Variants in IRF8 observed in about 807,000 individuals in gnomAD.
IRF8 encodes interferon consensus sequence binding protein 1.
Under a neutral mutation model 48.7 loss-of-function variants are expected in IRF8, and 14 were observed. That is an observed-to-expected ratio of 0.29 (90% CI 0.19 to 0.45). The LOEUF (loss-of-function observed/expected upper bound fraction) is 0.45, where lower values mean the gene tolerates loss of function less well. IRF8 is among the 20% of genes least tolerant of loss of function. The pLI is 1.00. For missense variants in IRF8, 493 were observed against 580.7 expected (o/e 0.85, Z 1.55); for synonymous variants, 278 against 227.3 (o/e 1.22, Z -2.01).
rs753224817 is a variant in IRF8 at position 85,922,343 on chromosome 16, G to T, written c.*1061G>T. The T allele has an allele frequency of 6.6e-6, 1 of 152,294 alleles. No individual in the cohort carries two copies. Among genetic ancestry groups the T allele is most frequent in the Non-Finnish European group, 1.5e-5 (1 of 68,044 alleles). The allele number at this position is 152,294 out of a possible 1,614,324, so 9.4% of individuals were successfully genotyped here. ...ACAGTCAGACCCAGAGGTCCTTTAC[G>T]TGTGGATGGAGTTCACAGGCGAATA... On this transcript the variant is annotated 3_prime_UTR_variant, in exon 9 of 9. Transcript: ENST00000268638.
intron 2 of IRF8, among the ~76,000 whole-genome samples, chr16:85,904,481 C>T (rs958604880): frequency 1.5e-4 from 23 of 152,298 alleles, no homozygotes; most frequent in African/African-American, 5.3e-4. Context: ...TCAAAGGTAG[C>T]TTAAGATGCA....
intron 7 of IRF8, among the ~76,000 whole-genome samples, chr16:85,919,864 C>G (rs1461762030): frequency 2.0e-5 from 3 of 152,246 alleles, no homozygotes; most frequent in African/African-American, 7.2e-5. Flanking sequence ...AGAGAGAGCA[C>G]TGGGCAGCTG....
chr16:85,909,368 G>T (rs568811746), intron 3 of IRF8, 195 bp downstream of exon 3: 1 of 615,758 alleles, frequency 1.6e-6, no homozygotes, highest in South Asian at 1.8e-5. Context: ...GAGGAGATTG[G>T]GTGCTGCCCA....
At chr16:85,908,946 T>C (rs1255053651) in intron 2 of IRF8, 44 bp from the exon 3 acceptor site, 12 of 1,532,938 alleles carry the variant, frequency 7.8e-6, no homozygotes, top group Admixed American at 1.7e-5. Context: ...TATTTGTGAT[T>C]GGAGTCGGCC....
intron 2 of IRF8, among the ~76,000 whole-genome samples, chr16:85,904,917 T>C (rs1227348711): frequency 6.7e-6 from 1 of 150,328 alleles, no homozygotes; most frequent in Non-Finnish European, 1.5e-5. Context: ...TTGGGAACTC[T>C]GCATTATAGA....
chr16:85,904,601 G>T (rs912370148), intron 2 of IRF8, among the ~76,000 whole-genome samples: 1 of 152,110 alleles, frequency 6.6e-6, no homozygotes, highest in African/African-American at 2.4e-5. Flanking sequence ...AGAATCTGAT[G>T]CCCATTACTG....
At chr16:85,914,409 T>G in intron 5 of IRF8, 64 bp from the exon 6 acceptor site, 1 of 1,597,092 alleles carries the variant, frequency 6.3e-7, no homozygotes, top group Admixed American at 1.7e-5. Context: ...AAGGAGCGAT[T>G]GGGGTTACTC....
chr16:85,920,664 C>G (rs1905524206), intron 8 of IRF8, among the ~76,000 whole-genome samples: 1 of 152,210 alleles, frequency 6.6e-6, no homozygotes, highest in Non-Finnish European at 1.5e-5. Flanking sequence ...TGGGCAAGAC[C>G]TTCAATATGC....
Position 85,918,835 on chromosome 16 carries a change from A to G in IRF8, c.988+32A>G, listed in dbSNP as rs762523787. On this transcript the variant is annotated intron_variant, in intron 7 of 8. Coordinates refer to ENST00000268638, the MANE Select transcript of IRF8 (RefSeq NM_002163.4). ...ACCGTCGTCACCTTGCTGCCCCCAC[A>G]TCTTAGAGATCACGCCTCCTATCTG... 2.5e-6 allele frequency: 4 copies of G among 1,601,626 alleles called. No homozygotes were observed. In the African/African-American group the frequency reaches 5.3e-5, roughly 21 times the overall value.
At chr16:85,920,258 TTTTTTTG>T in intron 8 of IRF8, 34 bp downstream of exon 8, 1 of 1,319,212 alleles carries the variant, frequency 7.6e-7, no homozygotes, top group Non-Finnish European at 1.1e-6. Flanking sequence ...TTTTTTTTTT[TTTTTTTG>T]AGATGGAGTC....
intron 6 of IRF8, among the ~76,000 whole-genome samples, chr16:85,916,203 G>C (rs1905300069): frequency 6.6e-6 from 1 of 152,246 alleles, no homozygotes; most frequent in Non-Finnish European, 1.5e-5. Context: ...CAGTGAGGTG[G>C]ATGCTGTTTT....
At chr16:85,911,869 C>T (rs1037281893) in intron 4 of IRF8, among the ~76,000 whole-genome samples, 28 of 152,368 alleles carry the variant, frequency 1.8e-4, no homozygotes, top group African/African-American at 3.8e-4. Flanking sequence ...CAACCCCTCA[C>T]GCCAGATCCC....
At position 85,920,076 on chromosome 16, in the gene IRF8, G is replaced by C. The variant is rs16940005; in HGVS notation, c.989-33G>C. On this transcript the variant is annotated intron_variant, in intron 7 of 8. Transcript: ENST00000268638. ...GGGAGTTGGAGGTCATCTCGGCCTT[G>C]CTTGCAAACACCCTCTGCCTGTGTC... The C allele has an allele frequency of 0.15, 229,911 of 1,532,714 alleles. 18,284 individuals are homozygous for C. Among genetic ancestry groups the C allele is most frequent in the Middle Eastern group, 0.22 (1,323 of 5,924 alleles). 94.9% of individuals were successfully genotyped at this position (1,532,714 alleles called of 1,614,324 possible).
At chr16:85,907,753 C>T (rs1905047108) in intron 2 of IRF8, among the ~76,000 whole-genome samples, 1 of 152,156 alleles carries the variant, frequency 6.6e-6, no homozygotes, top group African/African-American at 2.4e-5. Context: ...CTCCCTTCCC[C>T]AGTGAGAATC....
chr16:85,917,047 G>A (rs1337602675), intron 6 of IRF8, among the ~76,000 whole-genome samples: 1 of 152,218 alleles, frequency 6.6e-6, no homozygotes, highest in Non-Finnish European at 1.5e-5. Context: ...TGAATGGTGG[G>A]TTGTCAAATA....
At chr16:85,899,445 T>C (rs1286141383) in intron 1 of IRF8, among the ~76,000 whole-genome samples, 1 of 152,362 alleles carries the variant, frequency 6.6e-6, no homozygotes, top group Non-Finnish European at 1.5e-5. Context: ...TTTCCAAAGA[T>C]TGGTAGATAG....
chr16:85,908,397 A>G (rs1204645337), intron 2 of IRF8, among the ~76,000 whole-genome samples: 1 of 152,258 alleles, frequency 6.6e-6, no homozygotes, highest in Admixed American at 6.5e-5. Flanking sequence ...ATCTATTAAA[A>G]AAAACACACA....
In IRF8 at chr16:85,913,114, C is replaced by G; in HGVS notation, c.448-17C>G. ...CAGTGACTGAGCTGCCCTCCTCTCC[C>G]TCCCCTGACTGTGCAGCCTTCTGTG... On this transcript the variant is annotated splice_polypyrimidine_tract_variant and intron_variant, in intron 4 of 8. Transcript: ENST00000268638. 1 of 1,598,882 alleles carries G rather than the reference C, an allele frequency of 6.3e-7. No individual in the cohort carries two copies. Among genetic ancestry groups the G allele is most frequent in the Non-Finnish European group, 8.6e-7 (1 of 1,166,072 alleles).
At chr16:85,910,726 C>T (rs1032183420) in intron 3 of IRF8, among the ~76,000 whole-genome samples, 1 of 152,332 alleles carries the variant, frequency 6.6e-6, no homozygotes, top group South Asian at 2.1e-4. Flanking sequence ...CCTCTAACCT[C>T]AGTGGTTTGC....
Sources: allele counts gnomAD v4.1 joint callset (sites outside exome capture counted in the v4.1 genomes callset), GRCh38; gene constraint gnomAD v4.1.1; transcripts MANE v1.5; gene names NCBI Gene and HGNC (gene_info 2026-07-23, HGNC 2026-07-21).